The following XYLT1 variants were observed in gnomAD, a reference collection of about 807,000 sequenced individuals.
XYLT1 encodes beta-D-xylosyltransferase 1.
A neutral mutation model predicts 91.3 loss-of-function variants in XYLT1; 36 were observed. The ratio of observed to expected loss-of-function variants is 0.39; its 90% CI spans 0.30 to 0.52. The LOEUF (loss-of-function observed/expected upper bound fraction) is 0.52. Ranked by LOEUF, XYLT1 falls within the 20% of genes least tolerant of loss-of-function variation. The probability of loss-of-function intolerance (pLI) is 0.68; values close to 1 mark genes in which losing one functional copy is unlikely to be tolerated. For missense variants in XYLT1, 1,242 were observed against 1,284.5 expected (o/e 0.97, Z 0.51); for synonymous variants, 588 against 532.0 (o/e 1.11, Z -1.45).
chr16:17,308,588 C>T (rs1163153586), intron 2 of XYLT1, among the ~76,000 whole-genome samples: 2 of 152,198 alleles, frequency 1.3e-5, no homozygotes, highest in Admixed American at 1.3e-4. Flanking sequence ...CCCTTGCAAG[C>T]TGGTTCGGTC....
At chr16:17,418,010 C>T (rs999903296) in intron 1 of XYLT1, among the ~76,000 whole-genome samples, 1 of 152,204 alleles carries the variant, frequency 6.6e-6, no homozygotes, top group Admixed American at 6.5e-5. Flanking sequence ...CTTGAGCAAC[C>T]ACCACAGCCA....
intron 1 of XYLT1, among the ~76,000 whole-genome samples, chr16:17,434,094 T>C (rs1596543634): frequency 6.6e-6 from 1 of 152,326 alleles, no homozygotes; most frequent in South Asian, 2.1e-4. Flanking sequence ...CACTTCAGTG[T>C]GTTTGGGGTT....
chr16:17,295,612 T>A lies in XYLT1; in HGVS notation c.403-36114A>T, dbSNP rs375449597. Among the ~76,000 whole-genome samples the A allele has an allele frequency of 5.9e-5, 9 of 152,224 alleles. No individual in the cohort carries two copies. In the East Asian group the frequency reaches 1.2e-3, roughly 20 times the overall value. ...CTCAGGTGATCTGACCACTTTGACC[T>A]CCCAAAGTCCTGGGATTATAGGCGT... is the stretch of plus-strand genomic sequence containing the variant. On this transcript the variant is annotated intron_variant, in intron 2 of 11. Transcript: ENST00000261381.
intron 3 of XYLT1, among the ~76,000 whole-genome samples, chr16:17,238,744 A>C (rs2033288930): frequency 6.6e-6 from 1 of 152,226 alleles, no homozygotes; most frequent in Non-Finnish European, 1.5e-5. Flanking sequence ...AGTCATGCCA[A>C]GTGTGTGGCA....
At chr16:17,371,882 G>C (rs2141875199) in intron 1 of XYLT1, among the ~76,000 whole-genome samples, 1 of 152,352 alleles carries the variant, frequency 6.6e-6, no homozygotes, top group South Asian at 2.1e-4. Flanking sequence ...ACACACATAT[G>C]TGAGCATCCA....
intron 3 of XYLT1, among the ~76,000 whole-genome samples, chr16:17,242,910 C>T (rs1393358335): frequency 6.6e-6 from 1 of 152,196 alleles, no homozygotes; most frequent in Non-Finnish European, 1.5e-5. Context: ...CGTGAAGTCC[C>T]CCAGGTGCAT....
At chr16:17,318,644 G>A (rs571925722) in intron 2 of XYLT1, among the ~76,000 whole-genome samples, 95 of 152,286 alleles carry the variant, frequency 6.2e-4, no homozygotes, top group Non-Finnish European at 9.8e-4. Context: ...CTGGTTCCAT[G>A]AATTTGTTAA....
chr16:17,359,825 T>C (rs1490573569), intron 1 of XYLT1, among the ~76,000 whole-genome samples: 1 of 152,214 alleles, frequency 6.6e-6, no homozygotes, highest in Non-Finnish European at 1.5e-5. Flanking sequence ...AACCCGACAT[T>C]CATAGAGCAA....
intron 1 of XYLT1, among the ~76,000 whole-genome samples, chr16:17,374,278 T>G (rs566413375): frequency 6.6e-6 from 1 of 152,128 alleles, no homozygotes; most frequent in East Asian, 1.9e-4. Flanking sequence ...GTGGTAGGAT[T>G]TGGTGTAGGG....
In XYLT1 at chr16:17,104,884, A is replaced by G. The variant is rs1966753102; in HGVS notation, c.*3811T>C. The G allele has an allele frequency of 6.6e-6, 1 of 152,098 alleles. No individual in the cohort carries two copies. 9.4% of individuals were successfully genotyped at this position (152,098 alleles called of 1,614,324 possible). On this transcript the variant is annotated 3_prime_UTR_variant, in exon 12 of 12. Transcript: ENST00000261381. ...CATGCCCTTTTGCCTCACACCAACC[A>G]TTTCACGCATCTATGCTAGTATTCT...
intron 1 of XYLT1, among the ~76,000 whole-genome samples, chr16:17,443,492 C>G (rs373808188): frequency 6.6e-6 from 1 of 152,130 alleles, no homozygotes; most frequent in Admixed American, 6.5e-5. Context: ...CTCCAGCCAC[C>G]ATGTAAGATG....
At chr16:17,207,759 G>A (rs1215934631) in intron 3 of XYLT1, among the ~76,000 whole-genome samples, 3 of 152,066 alleles carry the variant, frequency 2.0e-5, no homozygotes, top group South Asian at 2.1e-4. Flanking sequence ...CTGCTCATGC[G>A]GGGCCACCAG....
chr16:17,395,981 T>C (rs114725859), intron 1 of XYLT1, among the ~76,000 whole-genome samples: 2,043 of 152,232 alleles, frequency 0.013, 47 homozygotes, highest in African/African-American at 0.047. Flanking sequence ...ATGGGTGCTG[T>C]TGGATTTTAG....
chr16:17,375,245 T>C (rs776120723), intron 1 of XYLT1, among the ~76,000 whole-genome samples: 2 of 152,140 alleles, frequency 1.3e-5, no homozygotes, highest in African/African-American at 2.4e-5. Flanking sequence ...TAAGCATTAA[T>C]TAATCCTCGC....
intron 1 of XYLT1, among the ~76,000 whole-genome samples, chr16:17,386,404 A>G (rs555561545): frequency 1.9e-4 from 29 of 152,306 alleles, no homozygotes; most frequent in Middle Eastern, 3.4e-3. Flanking sequence ...TCACATTCCC[A>G]AAGGATTTGC....
intron 2 of XYLT1, among the ~76,000 whole-genome samples, chr16:17,308,997 A>T (rs2034506000): frequency 6.7e-6 from 1 of 149,044 alleles, no homozygotes; most frequent in Non-Finnish European, 1.5e-5. Flanking sequence ...AAATAAAAAT[A>T]AAAAAAAAAG....
intron 5 of XYLT1, among the ~76,000 whole-genome samples, chr16:17,195,369 G>C (rs1291258585): frequency 1.3e-5 from 2 of 152,080 alleles, no homozygotes; most frequent in African/African-American, 4.8e-5. Flanking sequence ...AATATTCAGA[G>C]GCCTTTCTGA....
In XYLT1 at chr16:17,127,818, G is replaced by C. The variant is rs774232017; in HGVS notation, c.2071C>G (p.Leu691Val). ...GHPASVHLYFLADRFQGFLIK... is the reference protein window; with the variant it reads ...GHPASVHLYFVADRFQGFLIK... The stretch of plus-strand genomic sequence containing the variant: ...AGAAAGCCCTGGAAGCGGTCAGCAA[G>C]GAAGTAGAGGTGCACAGATGCTGGG... Residue 691 changes from leucine (L) to valine (V), a missense_variant, in exon 10 of 12, where the codon CTT (leucine) becomes GTT (valine). Leu to Val is a conservative substitution (Grantham distance 32, BLOSUM62 1). Around this residue, in one of 3 missense-constraint regions of XYLT1, gnomAD observed 511 missense variants for 497.0 expected, o/e 1.03. Coordinates refer to ENST00000261381, the MANE Select transcript of XYLT1 (RefSeq NM_022166.4). The C allele has an allele frequency of 3.7e-6, 6 of 1,614,004 alleles. No homozygotes were observed. Among genetic ancestry groups the C allele is most frequent in the Non-Finnish European group, 5.1e-6 (6 of 1,180,026 alleles).
At chr16:17,459,248 T>C (rs1216691351) in intron 1 of XYLT1, among the ~76,000 whole-genome samples, 2 of 152,142 alleles carry the variant, frequency 1.3e-5, no homozygotes, top group African/African-American at 4.8e-5. Context: ...GGCACGCACC[T>C]GTAGTCCCAC....
Sources: gnomAD v4.1 joint callset for allele counts (sites outside exome capture counted in the v4.1 genomes callset) on GRCh38, gnomAD v4.1.1 for gene constraint, gnomAD v4.1.1 regional missense constraint, MANE v1.5 for transcripts, NCBI Gene and HGNC (gene_info 2026-07-23, HGNC 2026-07-21) for gene names.